PCDHA4: variants seen among roughly 807,000 people sequenced by gnomAD.
PCDHA4 encodes the protein protocadherin alpha-4.
Under a neutral mutation model 61.4 loss-of-function variants are expected in PCDHA4, and 49 were observed. The observed-to-expected ratio is 0.80, with a 90% CI of 0.63 to 1.01. PCDHA4 has a LOEUF of 1.01. PCDHA4 is among the 50% of genes least tolerant of loss of function. The probability of loss-of-function intolerance (pLI) is 0.00; values close to 1 mark genes in which losing one functional copy is unlikely to be tolerated. For synonymous variants in PCDHA4, 590 were observed against 550.3 expected, an observed-to-expected ratio of 1.07 and a Z score of -1.01; for missense variants, 1,254 against 1,235.8, an observed-to-expected ratio of 1.01 and a Z score of -0.22.
chr5:140,828,216 G>T, intron 1 of PCDHA4: 5 of 1,614,022 alleles, frequency 3.1e-6, no homozygotes, highest in Non-Finnish European at 4.2e-6. Context: ...GCCAAACACG[G>T]CACCTTCGTG....
chr5:140,808,081 T>G lies in PCDHA4; in HGVS notation c.894T>G (p.Ile298Met), dbSNP rs782221936. 6.2e-7 allele frequency: 1 copy of G among 1,613,918 alleles called. No homozygotes were observed. Among genetic ancestry groups the G allele is most frequent in the African/African-American group, 1.3e-5 (1 of 74,940 alleles). The change falls in exon 1 of 4, where the codon ATT (isoleucine) becomes ATG (methionine). Residue 298 changes from isoleucine (I) to methionine (M), a missense_variant. Physicochemically the swap from Ile to Met is conservative, Grantham distance 10. Transcript: ENST00000530339. ...NVKSKFHIDP[I>M]TGQIIVKGYI... is the part of the protein sequence containing the mutation. ...AATCCAAGTTTCACATAGATCCAAT[T>G]ACTGGACAAATTATTGTAAAGGGAT... is the stretch of plus-strand genomic sequence containing the variant.
intron 1 of PCDHA4, chr5:140,927,292 C>G (rs782109776): frequency 1.3e-5 from 21 of 1,614,162 alleles, no homozygotes; most frequent in Non-Finnish European, 1.7e-6. Context: ...GCTGCACATC[C>G]CCGAGTTCCT....
At chr5:140,839,439 C>T (rs1038032080) in intron 1 of PCDHA4, among the ~76,000 whole-genome samples, 10 of 151,884 alleles carry the variant, frequency 6.6e-5, no homozygotes, top group Admixed American at 5.2e-4. Flanking sequence ...GCCCAGACTG[C>T]AGTGCAGTGG....
At chr5:140,856,360 C>T (rs2043951808) in intron 1 of PCDHA4, 2 of 1,598,438 alleles carry the variant, frequency 1.3e-6, no homozygotes, top group Admixed American at 1.7e-5. Context: ...GCAGCATCCA[C>T]CTGGAGGTGA....
chr5:140,870,260 G>C, intron 1 of PCDHA4: 3 of 1,614,200 alleles, frequency 1.9e-6, no homozygotes, highest in Non-Finnish European at 2.5e-6. Flanking sequence ...CAGGTGACCT[G>C]CTCGCTGACG....
intron 1 of PCDHA4, among the ~76,000 whole-genome samples, chr5:140,950,286 C>G (rs2094469059): frequency 6.6e-6 from 1 of 151,924 alleles, no homozygotes; most frequent in Non-Finnish European, 1.5e-5. Flanking sequence ...TTGCTTCAAC[C>G]TGAAAAACTT....
chr5:140,968,955 A>G, intron 1 of PCDHA4: 2 of 1,614,220 alleles, frequency 1.2e-6, no homozygotes, highest in Non-Finnish European at 1.7e-6. Flanking sequence ...AGCATCATCA[A>G]GTGCTACCGC....
rs773891459 is a variant in PCDHA4, at chr5:140,856,191, C to T, written c.2385+46619C>T. The T allele has an allele frequency of 7.5e-6, 12 of 1,598,058 alleles. No homozygotes were observed. The South Asian group carries it at 1.2e-4, about 16-fold the overall frequency. On this transcript the variant is annotated intron_variant, in intron 1 of 3. Transcript: ENST00000530339. ...CACGGCACCTTCGTGGGCCGCATCG[C>T]GCAGGACCTGGGGCTGGAGCTGGCG...
intron 3 of PCDHA4, among the ~76,000 whole-genome samples, chr5:141,000,387 CTCTCTCTCTA>C (rs1244377903): frequency 2.3e-3 from 152 of 66,802 alleles, no homozygotes; most frequent in African/African-American, 4.6e-3. Flanking sequence ...CTCTCTCTCT[CTCTCTCTCTA>C]TATATATATA....
In PCDHA4 at chr5:140,856,507, A is replaced by C. The variant is rs527808702; in HGVS notation, c.2385+46935A>C. 4.2e-5 allele frequency: 67 copies of C among 1,598,478 alleles called. 5 individuals carry two copies. In the South Asian group the frequency reaches 7.1e-4, roughly 17 times the overall value. Reference sequence around the variant, plus strand: ...GACTGCTTGACTCTCGATTTCCACTAGAAGGCGCATCTGATGCGGATGTTG... The same window carrying C: ...GACTGCTTGACTCTCGATTTCCACTCGAAGGCGCATCTGATGCGGATGTTG... On this transcript the variant is annotated intron_variant, in intron 1 of 3. Coordinates refer to ENST00000530339, the MANE Select transcript of PCDHA4 (RefSeq NM_018907.4).
At chr5:140,934,171 A>C (rs965826085) in intron 1 of PCDHA4, among the ~76,000 whole-genome samples, 11 of 152,160 alleles carry the variant, frequency 7.2e-5, no homozygotes, top group African/African-American at 2.7e-4. Context: ...GTGCAACAGA[A>C]GTACTCTAAA....
chr5:140,822,202 G>C (rs2150114545), intron 1 of PCDHA4: 2 of 1,614,238 alleles, frequency 1.2e-6, no homozygotes, highest in Admixed American at 3.3e-5. Flanking sequence ...ATTCATTTTA[G>C]AGTCAAGAAT....
intron 1 of PCDHA4, among the ~76,000 whole-genome samples, chr5:140,939,130 A>T (rs1183803741): frequency 6.6e-6 from 1 of 152,204 alleles, no homozygotes; most frequent in Admixed American, 6.5e-5. Context: ...TGGAAGCTGG[A>T]AAGTTGATGA....
intron 3 of PCDHA4, among the ~76,000 whole-genome samples, chr5:140,992,995 A>C (rs1347087034): frequency 2.0e-5 from 3 of 152,202 alleles, no homozygotes; most frequent in African/African-American, 7.2e-5. Context: ...GACCCATGAA[A>C]GAGCCTCCCC....
intron 1 of PCDHA4, chr5:140,852,075 A>G (rs2042230918): frequency 1.1e-6 from 1 of 900,346 alleles, no homozygotes; most frequent in Admixed American, 6.3e-5. Flanking sequence ...TCTTTCAGCT[A>G]TTTTATTTAA....
At position 140,835,886 on chromosome 5, in the gene PCDHA4, G is replaced by T. The variant is rs1183512745; in HGVS notation, c.2385+26314G>T. On this transcript the variant is annotated intron_variant, in intron 1 of 3. Coordinates refer to ENST00000530339, the MANE Select transcript of PCDHA4 (RefSeq NM_018907.4). Reference sequence around the variant, plus strand: ...CGCTGGTGGAGCTGCGGGTGGGCGAGCGCGCGCTGTCGAGCTACGTGTCAG... The same window carrying T: ...CGCTGGTGGAGCTGCGGGTGGGCGATCGCGCGCTGTCGAGCTACGTGTCAG... 1 of 1,611,834 alleles carries T rather than the reference G, an allele frequency of 6.2e-7. No homozygotes were observed. Among genetic ancestry groups the T allele is most frequent in the Admixed American group, 1.7e-5 (1 of 59,978 alleles).
chr5:140,922,465 T>G (rs116670359), intron 1 of PCDHA4, among the ~76,000 whole-genome samples: 1 of 152,190 alleles, frequency 6.6e-6, no homozygotes, highest in African/African-American at 2.4e-5. Flanking sequence ...CAACACAAAA[T>G]AGGAGAGAAG....
intron 1 of PCDHA4, chr5:140,829,491 A>G (rs1770339510): frequency 1.2e-6 from 2 of 1,613,552 alleles, no homozygotes; most frequent in African/African-American, 1.3e-5. Context: ...GTGAAGGAGA[A>G]CAACCCGCCG....
chr5:140,970,248 A>G (rs1385121881), intron 1 of PCDHA4, among the ~76,000 whole-genome samples: 1 of 152,142 alleles, frequency 6.6e-6, no homozygotes, highest in Non-Finnish European at 1.5e-5. Context: ...TTCTGTTGAC[A>G]GTTTCTATGG....
Sources: gnomAD v4.1 joint callset for allele counts (sites outside exome capture counted in the v4.1 genomes callset) on GRCh38, gnomAD v4.1.1 for gene constraint, MANE v1.5 for transcripts, NCBI Gene and HGNC (gene_info 2026-07-23, HGNC 2026-07-21) for gene names.